The following UBE3C variants were observed in gnomAD, a reference collection of about 807,000 sequenced individuals.
The protein encoded by UBE3C is ubiquitin-protein ligase E3C.
Under a neutral mutation model 129.4 loss-of-function variants are expected in UBE3C, and 42 were observed. The observed-to-expected ratio is 0.32, with a 90% CI of 0.25 to 0.42. The LOEUF is 0.42. UBE3C is among the 10% of genes least tolerant of loss of function. The pLI is 1.00. For missense variants in UBE3C, 1,049 were observed against 1,319.1 expected, an observed-to-expected ratio of 0.80 and a Z score of 3.17; for synonymous variants, 510 against 492.4, an observed-to-expected ratio of 1.04 and a Z score of -0.47.
rs145110205 is a variant in UBE3C at position 157,231,246 on chromosome 7, G to C, written c.2400G>C (p.Leu800=). The part of the protein sequence containing the change: ...GFFKTTNEGL[L]YPNPAAQMLV... ...TTAAGACTACTAATGAAGGGCTTCT[G>C]TACCCCAACCCGGCTGCTCAGATGC... Residue 800 remains leucine, a synonymous_variant, in exon 18 of 23, where the codon CTG becomes CTC. Coordinates refer to ENST00000348165, the MANE Select transcript of UBE3C (RefSeq NM_014671.3). 8.0e-5 allele frequency: 129 copies of C among 1,614,138 alleles called. 2 individuals are homozygous for C. The African/African-American group carries it at 1.3e-3, about 16-fold the overall frequency.
intron 19 of UBE3C, among the ~76,000 whole-genome samples, chr7:157,252,932 T>TG (rs1293662985): frequency 1.3e-5 from 2 of 152,176 alleles, no homozygotes; most frequent in East Asian, 3.8e-4. Context: ...GAAATACAGG[T>TG]GGGGGTCTTG....
intron 16 of UBE3C, 119 bp downstream of exon 16, chr7:157,223,470 T>C: frequency 1.3e-6 from 1 of 795,286 alleles, no homozygotes; most frequent in Non-Finnish European, 2.0e-6. Context: ...ATAACATACT[T>C]TTCTCATTAG....
chr7:157,174,238 C>T (rs144185326), intron 4 of UBE3C, among the ~76,000 whole-genome samples: 22 of 152,112 alleles, frequency 1.4e-4, no homozygotes, highest in African/African-American at 4.6e-4. Flanking sequence ...GGCGGGCACC[C>T]GTAATCCGAG....
At chr7:157,161,734 A>T (rs935357252) in intron 1 of UBE3C, among the ~76,000 whole-genome samples, 38 of 152,106 alleles carry the variant, frequency 2.5e-4, no homozygotes, top group Admixed American at 2.2e-3. Flanking sequence ...GATTATAGCC[A>T]TGAGCCATTG....
chr7:157,216,624 A>G (rs1795581299), intron 13 of UBE3C, among the ~76,000 whole-genome samples: 1 of 152,124 alleles, frequency 6.6e-6, no homozygotes, highest in South Asian at 2.1e-4. Flanking sequence ...CCTCCGTTGT[A>G]ACTTAAAAAT....
chr7:157,142,956 C>G (rs894397362), intron 1 of UBE3C, among the ~76,000 whole-genome samples: 4 of 151,970 alleles, frequency 2.6e-5, no homozygotes, highest in African/African-American at 9.7e-5. Flanking sequence ...AAACCTCCAC[C>G]TCCCGGGTTC....
intron 1 of UBE3C, among the ~76,000 whole-genome samples, chr7:157,144,846 C>T (rs889171674): frequency 1.3e-5 from 2 of 152,056 alleles, no homozygotes; most frequent in African/African-American, 2.4e-5. Context: ...AAACCAATGT[C>T]GATGTGTTAT....
At chr7:157,248,703 T>C (rs1796542478) in intron 19 of UBE3C, 123 bp downstream of exon 19, 1 of 1,103,348 alleles carries the variant, frequency 9.1e-7, no homozygotes. Flanking sequence ...TGACTGTGGC[T>C]GTGAGTTAGA....
At chr7:157,154,377 T>C (rs1807845655) in intron 1 of UBE3C, among the ~76,000 whole-genome samples, 1 of 152,120 alleles carries the variant, frequency 6.6e-6, no homozygotes. Context: ...ATCTTCTCAC[T>C]GAATCCCCTA....
At position 157,253,983 on chromosome 7, in the gene UBE3C, C is replaced by T. The variant is rs1243906577; in HGVS notation, c.2724C>T (p.Asp908=). 7.5e-6 allele frequency: 12 copies of T among 1,593,056 alleles called. No individual in the cohort carries two copies. Among genetic ancestry groups the T allele is most frequent in the Non-Finnish European group, 1.0e-5 (12 of 1,168,028 alleles). Residue 908 remains aspartate, a synonymous_variant, in exon 20 of 23, where the codon GAC becomes GAT. Transcript: ENST00000348165. ...TTGAACTAAAATTCGGTGGGAAAGA[C>T]ATCCCTGTCACCAGCGCCAACCGGA... ...QVVELKFGGK[D]IPVTSANRIA...
At chr7:157,193,962 AGTT>A (rs1196383680) in intron 10 of UBE3C, among the ~76,000 whole-genome samples, 1 of 152,190 alleles carries the variant, frequency 6.6e-6, no homozygotes, top group African/African-American at 2.4e-5. Context: ...CAAAAATGGC[AGTT>A]GTTTTTGTAT....
At chr7:157,198,222 G>A in intron 10 of UBE3C, 1 of 1,472,454 alleles carries the variant, frequency 6.8e-7, no homozygotes, top group South Asian at 1.1e-5. Flanking sequence ...CTTACAAAAG[G>A]AATTACCCAA....
chr7:157,145,023 G>A (rs1047523928), intron 1 of UBE3C, among the ~76,000 whole-genome samples: 1 of 152,350 alleles, frequency 6.6e-6, no homozygotes, highest in African/African-American at 2.4e-5. Flanking sequence ...GCTAATGCCT[G>A]TAATCCCAGC....
chr7:157,262,556 T>C (rs1017663182), intron 22 of UBE3C, among the ~76,000 whole-genome samples: 13 of 151,456 alleles, frequency 8.6e-5, no homozygotes, highest in African/African-American at 3.2e-4. Context: ...GTAGGTGGGA[T>C]TACAGGCACC....
chr7:157,203,204 A>G (rs1809339097), intron 11 of UBE3C, among the ~76,000 whole-genome samples: 1 of 152,108 alleles, frequency 6.6e-6, no homozygotes, highest in African/African-American at 2.4e-5. Context: ...CATTTTTTTA[A>G]TTGAATCTTA....
rs1398098817 is a variant in UBE3C, at chr7:157,207,394, C to A, written c.1419-4C>A. 1.3e-6 allele frequency: 2 copies of A among 1,596,268 alleles called. No individual in the cohort carries two copies. Among genetic ancestry groups the A allele is most frequent in the Non-Finnish European group, 1.7e-6 (2 of 1,176,184 alleles). On this transcript the variant is annotated splice_polypyrimidine_tract_variant and splice_region_variant and intron_variant, in intron 11 of 22. Transcript: ENST00000348165. ...GGTTTTTTTCTTCTTTTCTTTAATTCAAGGTCTATGGTACCGTTGCTTCAG... is the reference window on the plus strand; with the variant it reads ...GGTTTTTTTCTTCTTTTCTTTAATTAAAGGTCTATGGTACCGTTGCTTCAG...
At chr7:157,190,393 C>T (rs1023481603) in intron 10 of UBE3C, among the ~76,000 whole-genome samples, 4 of 152,116 alleles carry the variant, frequency 2.6e-5, no homozygotes, top group Admixed American at 6.5e-5. Context: ...CCTGAAACTG[C>T]AGTGTCCTGC....
chr7:157,239,906 T>TG (rs1418930258), intron 18 of UBE3C, among the ~76,000 whole-genome samples: 1 of 152,156 alleles, frequency 6.6e-6, no homozygotes, highest in Non-Finnish European at 1.5e-5. Flanking sequence ...ATCCCACTGT[T>TG]GCTGCTTTCT....
intron 14 of UBE3C, among the ~76,000 whole-genome samples, chr7:157,220,011 G>A (rs1369869804): frequency 6.6e-6 from 1 of 152,042 alleles, no homozygotes; most frequent in Non-Finnish European, 1.5e-5. Flanking sequence ...AGGAGTTCAA[G>A]ACCAGTCTGG....
Sources: allele counts gnomAD v4.1 joint callset (sites outside exome capture counted in the v4.1 genomes callset), GRCh38; gene constraint gnomAD v4.1.1; transcripts MANE v1.5; gene names NCBI Gene and HGNC (gene_info 2026-07-23, HGNC 2026-07-21).